The following FRS2 variants were observed in gnomAD, a reference collection of about 807,000 sequenced individuals.
FRS2 encodes fibroblast growth factor receptor substrate 2.
In FRS2, 8 loss-of-function variants were observed where a neutral mutation model predicts 43.9. The ratio of observed to expected loss-of-function variants is 0.18; its 90% CI spans 0.11 to 0.33. The LOEUF (loss-of-function observed/expected upper bound fraction) is 0.33. Ranked by LOEUF, FRS2 falls within the 10% of genes least tolerant of loss-of-function variation. The probability of loss-of-function intolerance (pLI) is 1.00; values close to 1 mark genes in which losing one functional copy is unlikely to be tolerated. For synonymous variants in FRS2, 219 were observed against 220.3 expected, an observed-to-expected ratio of 0.99 and a Z score of 0.05; for missense variants, 534 against 627.6, an observed-to-expected ratio of 0.85 and a Z score of 1.59.
At chr12:69,487,459 A>G (rs1023991901) in intron 1 of FRS2, among the ~76,000 whole-genome samples, 9 of 152,332 alleles carry the variant, frequency 5.9e-5, no homozygotes, top group African/African-American at 4.8e-5. Flanking sequence ...TCTTTACAGC[A>G]TGGTTTATTG....
chr12:69,531,457 T>C (rs1279267403), intron 2 of FRS2, among the ~76,000 whole-genome samples: 1 of 152,212 alleles, frequency 6.6e-6, no homozygotes, highest in African/African-American at 2.4e-5. Context: ...ATAATTTTGG[T>C]CATTATGCTA....
chr12:69,512,652 T>C (rs1191803246), intron 1 of FRS2, among the ~76,000 whole-genome samples: 1 of 152,182 alleles, frequency 6.6e-6, no homozygotes, highest in Admixed American at 6.5e-5. Context: ...ACTTGTATAT[T>C]ATAATTGATG....
intron 1 of FRS2, among the ~76,000 whole-genome samples, chr12:69,526,800 T>C (rs1416458717): frequency 1.3e-5 from 2 of 152,110 alleles, no homozygotes; most frequent in Middle Eastern, 3.4e-3. Context: ...CTCGGCTCAC[T>C]GCAATCTCCG....
intron 4 of FRS2, among the ~76,000 whole-genome samples, chr12:69,565,254 T>C (rs1880193049): frequency 1.3e-5 from 2 of 152,298 alleles, no homozygotes; most frequent in South Asian, 2.1e-4. Context: ...ATGGTACACT[T>C]GTATAAGGCA....
intron 3 of FRS2, among the ~76,000 whole-genome samples, chr12:69,555,624 T>C (rs1324872955): frequency 6.6e-6 from 1 of 152,150 alleles, no homozygotes; most frequent in Non-Finnish European, 1.5e-5. Context: ...GGATGCGAAA[T>C]TTCCATATAC....
At chr12:69,490,714 T>C (rs1872402086) in intron 1 of FRS2, among the ~76,000 whole-genome samples, 1 of 152,208 alleles carries the variant, frequency 6.6e-6, no homozygotes. Context: ...ATACATTCTT[T>C]GTGTATTTCT....
chr12:69,485,082 AACACACACACACACACACACACAC>A lies in FRS2; in HGVS notation c.-261+14583_-261+14606del, dbSNP rs71094716. Among the ~76,000 whole-genome samples, 726 of 85,344 alleles carry A rather than the reference AACACACACACACACACACACACAC, an allele frequency of 8.5e-3. 6 individuals are homozygous for A. The highest frequency in any genetic ancestry group is 0.038 in the African/African-American group (694 of 18,160). The allele number at this position is 85,344 out of a possible 152,430, so 56.0% of individuals were successfully genotyped here. On this transcript the variant is annotated intron_variant, in intron 1 of 8. Transcript: ENST00000549921. ...GAAACATAGTAAGACCTCATCTTAA[AACACACACACACACACACACACAC>A]ACACACACACACACACACACACACA...
intron 1 of FRS2, among the ~76,000 whole-genome samples, chr12:69,500,061 G>C (rs959682739): frequency 3.7e-4 from 57 of 152,034 alleles, no homozygotes; most frequent in Non-Finnish European, 7.5e-4. Context: ...TATTTAAAGA[G>C]AAATTTTATA....
intron 3 of FRS2, among the ~76,000 whole-genome samples, chr12:69,540,611 C>G (rs1877817424): frequency 1.3e-5 from 2 of 152,072 alleles, no homozygotes; most frequent in African/African-American, 4.8e-5. Context: ...AGAAGAACTC[C>G]AAATAATGTA....
chr12:69,571,272 G>A lies in FRS2; in HGVS notation c.254-4G>A. Reference sequence around the variant, plus strand: ...TATTTTTCCCTTTTGGTTTATATTTGTAGGAATCTTTGCCTTTAAGTGTGC... The same window carrying A: ...TATTTTTCCCTTTTGGTTTATATTTATAGGAATCTTTGCCTTTAAGTGTGC... On this transcript the variant is annotated splice_region_variant and splice_polypyrimidine_tract_variant and intron_variant, in intron 6 of 8. Coordinates refer to ENST00000549921, the MANE Select transcript of FRS2 (RefSeq NM_001278356.2). 6.3e-7 allele frequency: 1 copy of A among 1,583,710 alleles called. No individual in the cohort carries two copies. Among genetic ancestry groups the A allele is most frequent in the Non-Finnish European group, 8.6e-7 (1 of 1,166,608 alleles).
chr12:69,543,509 TAAAA>T (rs1472065708), intron 3 of FRS2, among the ~76,000 whole-genome samples: 1 of 152,102 alleles, frequency 6.6e-6, no homozygotes, highest in African/African-American at 2.4e-5. Context: ...AGCTAGGGAA[TAAAA>T]AAACAAGTCA....
chr12:69,543,637 G>A (rs569701780), intron 3 of FRS2, among the ~76,000 whole-genome samples: 1 of 152,312 alleles, frequency 6.6e-6, no homozygotes, highest in South Asian at 2.1e-4. Context: ...TTCATATGTA[G>A]TGTGCTCAGG....
intron 1 of FRS2, among the ~76,000 whole-genome samples, chr12:69,482,959 T>C (rs1315924842): frequency 6.6e-6 from 1 of 152,206 alleles, no homozygotes; most frequent in African/African-American, 2.4e-5. Flanking sequence ...AGGGCTCATT[T>C]TACATTCCCA....
At chr12:69,538,196 T>TG (rs57635940) in intron 3 of FRS2, among the ~76,000 whole-genome samples, 1 of 57,042 alleles carries the variant, frequency 1.8e-5, no homozygotes, top group Non-Finnish European at 3.7e-5. Context: ...AAAAACAAAT[T>TG]TTATATATAT....
intron 1 of FRS2, among the ~76,000 whole-genome samples, chr12:69,475,332 A>AAG (rs1870667791): frequency 6.6e-6 from 1 of 152,054 alleles, no homozygotes; most frequent in South Asian, 2.1e-4. Flanking sequence ...GGAATGTCGA[A>AAG]AGAGTCCTGT....
intron 2 of FRS2, 121 bp from the exon 3 acceptor site, chr12:69,531,893 C>T (rs886124267): frequency 7.9e-5 from 12 of 152,610 alleles, no homozygotes; most frequent in African/African-American, 2.4e-4. Flanking sequence ...CTCAAGCTTT[C>T]GTAATATCAA....
At chr12:69,569,705 G>A (rs473366) in intron 5 of FRS2, among the ~76,000 whole-genome samples, 91,878 of 151,934 alleles carry the variant, frequency 0.6, 29,344 homozygotes, top group African/African-American at 0.82. Context: ...TTTTTGTACA[G>A]TGTAGTCTAG....
rs1881241294 is a variant in FRS2 at position 69,577,066 on chromosome 12, T to C, written c.*2111T>C. ...AACATTAATCTCCAAATGCAAGGGCTGATCTATTTATTCATTTTGGAGGTT... is the reference window on the plus strand; with the variant it reads ...AACATTAATCTCCAAATGCAAGGGCCGATCTATTTATTCATTTTGGAGGTT... On this transcript the variant is annotated 3_prime_UTR_variant, in exon 9 of 9. Coordinates refer to ENST00000549921, the MANE Select transcript of FRS2 (RefSeq NM_001278356.2). 1 of 152,630 alleles carries C rather than the reference T, an allele frequency of 6.6e-6. No homozygotes were observed. Among genetic ancestry groups the C allele is most frequent in the Non-Finnish European group, 1.5e-5 (1 of 68,044 alleles). The allele number at this position is 152,630 out of a possible 1,614,324, so 9.5% of individuals were successfully genotyped here.
intron 1 of FRS2, among the ~76,000 whole-genome samples, chr12:69,478,387 G>A (rs904040334): frequency 2.0e-5 from 3 of 151,982 alleles, no homozygotes; most frequent in African/African-American, 7.2e-5. Context: ...TGTTATAGGA[G>A]AACTAAATTT....
Sources: allele counts gnomAD v4.1 joint callset (sites outside exome capture counted in the v4.1 genomes callset), GRCh38; gene constraint gnomAD v4.1.1; transcripts MANE v1.5; gene names NCBI Gene and HGNC (gene_info 2026-07-23, HGNC 2026-07-21).